Variants in SMAD3 observed in about 807,000 individuals in gnomAD.
The protein encoded by SMAD3 is MAD homolog 3.
A neutral mutation model predicts 51.8 loss-of-function variants in SMAD3; 12 were observed. The ratio of observed to expected loss-of-function variants is 0.23; its 90% CI spans 0.15 to 0.38. The LOEUF (loss-of-function observed/expected upper bound fraction) is 0.38, where lower values mean the gene tolerates loss of function less well. Among genes scored for constraint, SMAD3 ranks in the 10% least tolerant of loss-of-function variants. SMAD3 has a pLI of 1.00. For synonymous variants in SMAD3, 238 were observed against 227.7 expected, an observed-to-expected ratio of 1.05 and a Z score of -0.41; for missense variants, 294 against 565.6, an observed-to-expected ratio of 0.52 and a Z score of 4.87.
At chr15:67,123,980 T>A (rs1050131243) in intron 1 of SMAD3, among the ~76,000 whole-genome samples, 6 of 152,198 alleles carry the variant, frequency 3.9e-5, no homozygotes, top group African/African-American at 1.4e-4. Context: ...AAGCTTTTGT[T>A]CCTTTGGATT....
At chr15:67,112,284 G>C (rs1961034636) in intron 1 of SMAD3, among the ~76,000 whole-genome samples, 1 of 149,626 alleles carries the variant, frequency 6.7e-6, no homozygotes, top group African/African-American at 2.5e-5. Context: ...CAAGTAGCTG[G>C]GATTACAGGC....
At chr15:67,085,739 T>A (rs1227980443) in intron 1 of SMAD3, among the ~76,000 whole-genome samples, 2 of 152,184 alleles carry the variant, frequency 1.3e-5, no homozygotes, top group African/African-American at 2.4e-5. Context: ...TTTTTAACTT[T>A]CCTAGGTGAT....
intron 1 of SMAD3, among the ~76,000 whole-genome samples, chr15:67,089,716 C>T (rs537991553): frequency 6.6e-6 from 1 of 152,348 alleles, no homozygotes; most frequent in Non-Finnish European, 1.5e-5. Context: ...TTCCTGCGTA[C>T]TGCACTTTAC....
chr15:67,111,345 G>A (rs1961010402), intron 1 of SMAD3, among the ~76,000 whole-genome samples: 1 of 152,204 alleles, frequency 6.6e-6, no homozygotes, highest in Admixed American at 6.5e-5. Context: ...TGGCCAAATA[G>A]TATTCCAGTG....
intron 1 of SMAD3, among the ~76,000 whole-genome samples, chr15:67,154,078 G>A (rs1443968733): frequency 2.0e-5 from 3 of 152,136 alleles, no homozygotes; most frequent in African/African-American, 7.2e-5. Context: ...TGTGGCTCCT[G>A]CCCAGGTTGC....
At chr15:67,147,757 A>G (rs550860071) in intron 1 of SMAD3, among the ~76,000 whole-genome samples, 1 of 152,178 alleles carries the variant, frequency 6.6e-6, no homozygotes, top group Non-Finnish European at 1.5e-5. Context: ...TGAGGTCAGT[A>G]ATTCTGCAGC....
At chr15:67,109,105 C>G (rs564688796) in intron 1 of SMAD3, among the ~76,000 whole-genome samples, 1 of 152,352 alleles carries the variant, frequency 6.6e-6, no homozygotes, top group South Asian at 2.1e-4. Flanking sequence ...AGCATGGTCA[C>G]TTCACAAATA....
chr15:67,172,909 C>T (rs1053819714), intron 5 of SMAD3, among the ~76,000 whole-genome samples: 3 of 152,112 alleles, frequency 2.0e-5, no homozygotes, highest in Non-Finnish European at 2.9e-5. Flanking sequence ...CTGTGGCTCC[C>T]GGGGGGAAGC....
At chr15:67,088,984 G>T (rs1960454884) in intron 1 of SMAD3, among the ~76,000 whole-genome samples, 1 of 152,160 alleles carries the variant, frequency 6.6e-6, no homozygotes, top group African/African-American at 2.4e-5. Flanking sequence ...AGAGACCTTT[G>T]TCAGGGTGAC....
At chr15:67,182,256 C>T (rs192576055) in intron 6 of SMAD3, among the ~76,000 whole-genome samples, 222 of 152,346 alleles carry the variant, frequency 1.5e-3, no homozygotes, top group African/African-American at 5.1e-3. Context: ...TGTGAACCTT[C>T]TGCCTTCTAG....
At position 67,136,888 on chromosome 15, in the gene SMAD3, G is replaced by A. The variant is rs114259833; in HGVS notation, c.207-28007G>A. ...TGGTACCATGGTCTCTTCAGGTTTC[G>A]TAGCAGACAGGCCCCATTGACCATA... On this transcript the variant is annotated intron_variant, in intron 1 of 8. Coordinates refer to ENST00000327367, the MANE Select transcript of SMAD3 (RefSeq NM_005902.4). Among the ~76,000 whole-genome samples the A allele has an allele frequency of 2.4e-3, 370 of 152,256 alleles. 2 individuals are homozygous for A. The highest frequency in any genetic ancestry group is 6.0e-3 in the East Asian group (31 of 5,178).
At chr15:67,139,021 G>T (rs575799963) in intron 1 of SMAD3, among the ~76,000 whole-genome samples, 4 of 152,190 alleles carry the variant, frequency 2.6e-5, no homozygotes, top group Non-Finnish European at 4.4e-5. Flanking sequence ...AGACTGAAGT[G>T]TCGGAAATGC....
intron 5 of SMAD3, among the ~76,000 whole-genome samples, chr15:67,175,107 T>G (rs1236878348): frequency 2.0e-5 from 3 of 151,710 alleles, no homozygotes; most frequent in Non-Finnish European, 4.4e-5. Flanking sequence ...AGGATTGGGG[T>G]AAATGGAGGG....
intron 1 of SMAD3, among the ~76,000 whole-genome samples, chr15:67,119,982 A>T (rs988666658): frequency 6.6e-6 from 1 of 152,078 alleles, no homozygotes; most frequent in Non-Finnish European, 1.5e-5. Context: ...TATTTTGTGG[A>T]GGTGGGGTTT....
intron 5 of SMAD3, among the ~76,000 whole-genome samples, chr15:67,175,000 G>A (rs943948595): frequency 1.1e-4 from 16 of 152,176 alleles, no homozygotes; most frequent in African/African-American, 2.9e-4. Flanking sequence ...ACCTGGGACC[G>A]TTGTTTGCAG....
At chr15:67,068,438 A>C (rs1595883270) in intron 1 of SMAD3, among the ~76,000 whole-genome samples, 1 of 152,016 alleles carries the variant, frequency 6.6e-6, no homozygotes, top group Non-Finnish European at 1.5e-5. Context: ...CCTTGGTAGG[A>C]GTTTGTCCTC....
At position 67,067,060 on chromosome 15, in the gene SMAD3, C is replaced by T. The variant is rs187947704; in HGVS notation, c.206+700C>T. Among the ~76,000 whole-genome samples, 225 of 152,012 alleles carry T rather than the reference C, an allele frequency of 1.5e-3. 1 individual carries two copies. Among genetic ancestry groups the T allele is most frequent in the Non-Finnish European group, 2.6e-3 (179 of 67,962 alleles). Reference sequence around the variant, plus strand: ...TGGCGGAAAATAGGGTCTTCTCCCACCTCCCACCCCCCCATCCCGACTCTT... The same window carrying T: ...TGGCGGAAAATAGGGTCTTCTCCCATCTCCCACCCCCCCATCCCGACTCTT... On this transcript the variant is annotated intron_variant, in intron 1 of 8. Coordinates refer to ENST00000327367, the MANE Select transcript of SMAD3 (RefSeq NM_005902.4).
chr15:67,152,397 C>G (rs1029152834), intron 1 of SMAD3, among the ~76,000 whole-genome samples: 2 of 152,164 alleles, frequency 1.3e-5, no homozygotes, highest in Admixed American at 1.3e-4. Context: ...CATGAACAGG[C>G]CTGCTGCCGA....
Position 67,192,303 on chromosome 15 carries a change from G to A in SMAD3, c.*1767G>A, listed in dbSNP as rs533635017. The A allele has an allele frequency of 8.6e-6, 2 of 232,914 alleles. No individual in the cohort carries two copies. The highest frequency in any genetic ancestry group is 4.4e-5 in the African/African-American group (2 of 45,244). The allele number at this position is 232,914 out of a possible 1,614,324, so 14.4% of individuals were successfully genotyped here. ...GACAGCTGCTCCCCAAGCCTCCTGA[G>A]GACACAGGAAGAGACGGAAGGAGCA... On this transcript the variant is annotated 3_prime_UTR_variant, in exon 9 of 9. Coordinates refer to ENST00000327367, the MANE Select transcript of SMAD3 (RefSeq NM_005902.4).
Sources: allele counts gnomAD v4.1 joint callset (sites outside exome capture counted in the v4.1 genomes callset), GRCh38; gene constraint gnomAD v4.1.1; transcripts MANE v1.5; gene names NCBI Gene and HGNC (gene_info 2026-07-23, HGNC 2026-07-21).